LEKR1: variants seen among roughly 807,000 people sequenced by gnomAD.
LEKR1 encodes the protein protein LEKR1.
LEKR1 carries 59 observed loss-of-function variants against 72.4 expected under a neutral mutation model. The ratio of observed to expected loss-of-function variants is 0.82; its 90% CI spans 0.66 to 1.01. The LOEUF (loss-of-function observed/expected upper bound fraction) is 1.01. LEKR1 is among the 50% of genes least tolerant of loss of function. The pLI is 0.00. For missense variants in LEKR1, 728 were observed against 759.2 expected, an observed-to-expected ratio of 0.96 and a Z score of 0.48; for synonymous variants, 257 against 263.2, an observed-to-expected ratio of 0.98 and a Z score of 0.23.
At chr3:157,016,786 A>C (rs1443347507) in intron 10 of LEKR1, among the ~76,000 whole-genome samples, 1 of 152,220 alleles carries the variant, frequency 6.6e-6, no homozygotes, top group Non-Finnish European at 1.5e-5. Context: ...GAGAGGGTAG[A>C]AGTGGAAATA....
intron 3 of LEKR1, among the ~76,000 whole-genome samples, chr3:156,877,674 CATTT>C (rs1333040925): frequency 6.6e-6 from 1 of 152,094 alleles, no homozygotes; most frequent in Non-Finnish European, 1.5e-5. Flanking sequence ...TCTCCCATTT[CATTT>C]CCAATTGGGC....
chr3:156,985,496 T>A (rs1730594378), intron 7 of LEKR1, among the ~76,000 whole-genome samples: 1 of 152,138 alleles, frequency 6.6e-6, no homozygotes, highest in African/African-American at 2.4e-5. Context: ...ATCCCTGGAA[T>A]CTGTATGTTC....
At chr3:156,830,930 G>A (rs948714220) in intron 2 of LEKR1, among the ~76,000 whole-genome samples, 4 of 152,184 alleles carry the variant, frequency 2.6e-5, no homozygotes, top group African/African-American at 9.7e-5. Context: ...AAATCATTAA[G>A]AAGAAAGGGG....
intron 6 of LEKR1, 166 bp downstream of exon 6, chr3:156,942,880 T>C: frequency 3.3e-6 from 1 of 305,926 alleles, no homozygotes; most frequent in Non-Finnish European, 6.1e-6. Context: ...CTGTGGTCAA[T>C]ACTTGCTGTC....
At chr3:156,970,978 G>A (rs1729124059) in intron 6 of LEKR1, among the ~76,000 whole-genome samples, 1 of 150,968 alleles carries the variant, frequency 6.6e-6, no homozygotes, top group South Asian at 2.1e-4. Flanking sequence ...TCACAGAATT[G>A]GAAAAAACTA....
Position 156,984,079 on chromosome 3 carries a change from G to T in LEKR1, c.827+4804G>T, listed in dbSNP as rs188997947. 3.7e-4 allele frequency among the ~76,000 whole-genome samples: 57 copies of T among 152,264 alleles called. 2 individuals carry two copies. Among genetic ancestry groups the T allele is most frequent in the Admixed American group, 2.6e-3 (40 of 15,294 alleles). ...TAACCATAAAAGAACAGACGGTTAT[G>T]GCAGGCTATTAGGAATTCGGGAGAT... On this transcript the variant is annotated intron_variant, in intron 7 of 12. Coordinates refer to ENST00000356539, the MANE Select transcript of LEKR1 (RefSeq NM_001004316.3).
chr3:156,909,356 A>G (rs1343568643), intron 3 of LEKR1, among the ~76,000 whole-genome samples: 2 of 152,072 alleles, frequency 1.3e-5, no homozygotes, highest in African/African-American at 4.8e-5. Context: ...GGATTATTAG[A>G]TGTATGTTTA....
At chr3:156,875,565 A>G (rs1393811346) in intron 3 of LEKR1, among the ~76,000 whole-genome samples, 5 of 151,950 alleles carry the variant, frequency 3.3e-5, no homozygotes, top group Non-Finnish European at 4.4e-5. Context: ...TTTTGGTTGC[A>G]TTTGCTTTTG....
intron 2 of LEKR1, among the ~76,000 whole-genome samples, chr3:156,844,993 A>T (rs1714415024): frequency 6.7e-6 from 1 of 150,340 alleles, no homozygotes; most frequent in African/African-American, 2.4e-5. Context: ...TATATGAGTG[A>T]TCCAGTTTCT....
intron 2 of LEKR1, 32 bp downstream of exon 2, chr3:156,829,409 G>A: frequency 6.9e-7 from 1 of 1,449,026 alleles, no homozygotes. Flanking sequence ...CAGCCTAACA[G>A]TGGGAACATG....
intron 10 of LEKR1, among the ~76,000 whole-genome samples, chr3:157,022,477 T>A (rs540032061): frequency 6.6e-6 from 1 of 152,210 alleles, no homozygotes; most frequent in African/African-American, 2.4e-5. Flanking sequence ...GCAAAGCATC[T>A]TTTGAAGGTA....
intron 3 of LEKR1, among the ~76,000 whole-genome samples, chr3:156,858,055 A>G (rs759224955): frequency 1.4e-4 from 22 of 152,094 alleles, no homozygotes; most frequent in Non-Finnish European, 1.9e-4. Context: ...TGGTTTACTT[A>G]TGGATTTTTT....
rs761618990 is a variant in LEKR1, at chr3:156,920,556, T to C, written c.264-19T>C. On this transcript the variant is annotated intron_variant, in intron 3 of 12. Coordinates refer to ENST00000356539, the MANE Select transcript of LEKR1 (RefSeq NM_001004316.3). ...TACATATGAGAGAATACTTAAGGAA[T>C]GTTTGTTTATATTTTTAGAATTTAC... The C allele has an allele frequency of 7.1e-7, 1 of 1,407,768 alleles. No individual in the cohort carries two copies. The highest frequency in any genetic ancestry group is 9.6e-7 in the Non-Finnish European group (1 of 1,045,350). 87.2% of individuals were successfully genotyped at this position (1,407,768 alleles called of 1,614,324 possible).
At chr3:156,893,294 G>A (rs1361441211) in intron 3 of LEKR1, among the ~76,000 whole-genome samples, 1 of 152,158 alleles carries the variant, frequency 6.6e-6, no homozygotes, top group African/African-American at 2.4e-5. Context: ...TAGATTTCAC[G>A]ATGTAAGGAG....
intron 6 of LEKR1, among the ~76,000 whole-genome samples, chr3:156,978,764 C>CT (rs1227241917): frequency 6.6e-6 from 1 of 152,142 alleles, no homozygotes; most frequent in Non-Finnish European, 1.5e-5. Context: ...CATGATTTGT[C>CT]TGTTTTAGTT....
chr3:156,938,440 C>G (rs1229936562), intron 5 of LEKR1, among the ~76,000 whole-genome samples: 2 of 152,140 alleles, frequency 1.3e-5, no homozygotes, highest in African/African-American at 4.8e-5. Flanking sequence ...AGTGCAGTGG[C>G]ATGATAACTC....
At chr3:157,043,952 G>A (rs931283745) in intron 12 of LEKR1, among the ~76,000 whole-genome samples, 2 of 152,180 alleles carry the variant, frequency 1.3e-5, no homozygotes, top group Non-Finnish European at 2.9e-5. Context: ...TGTGCAACTG[G>A]CTAATCTGGA....
intron 3 of LEKR1, among the ~76,000 whole-genome samples, chr3:156,858,138 G>T (rs1283979210): frequency 6.6e-6 from 1 of 152,062 alleles, no homozygotes; most frequent in Non-Finnish European, 1.5e-5. Context: ...CAAATTTCTG[G>T]ATGTTTAGTA....
chr3:157,013,966 T>C (rs945500837), intron 10 of LEKR1, among the ~76,000 whole-genome samples: 1 of 152,102 alleles, frequency 6.6e-6, no homozygotes, highest in Non-Finnish European at 1.5e-5. Flanking sequence ...ATAAGATCAA[T>C]AGTTGCTATG....
Sources: allele counts gnomAD v4.1 joint callset (sites outside exome capture counted in the v4.1 genomes callset), GRCh38; gene constraint gnomAD v4.1.1; transcripts MANE v1.5; gene names NCBI Gene and HGNC (gene_info 2026-07-23, HGNC 2026-07-21).